The following CEP290 variants were observed in gnomAD, a reference collection of about 807,000 sequenced individuals.
CEP290 encodes centrosomal protein 290, also known as centrosomal protein of 290 kDa.
A neutral mutation model predicts 344.9 loss-of-function variants in CEP290; 317 were observed. The ratio of observed to expected loss-of-function variants is 0.92; its 90% CI spans 0.84 to 1.01. The LOEUF is 1.01. Ranked by LOEUF, CEP290 falls within the 50% of genes least tolerant of loss-of-function variation. The pLI is 0.00. For synonymous variants in CEP290, 932 were observed against 895.8 expected (o/e 1.04, Z -0.72); for missense variants, 2,754 against 2,761.4 (o/e 1.00, Z 0.06).
chr12:88,116,251 C>A (rs1339778931), intron 18 of CEP290, among the ~76,000 whole-genome samples: 1 of 152,198 alleles, frequency 6.6e-6, no homozygotes, highest in East Asian at 1.9e-4. Context: ...AAGGTGCTGA[C>A]TAACGATTCT....
chr12:88,126,366 T>G lies in CEP290; in HGVS notation c.1015A>C (p.Lys339Gln). 6.6e-7 allele frequency: 1 copy of G among 1,511,378 alleles called. No homozygotes were observed. The highest frequency in any genetic ancestry group is 1.4e-5 in the African/African-American group (1 of 70,030). 93.6% of individuals were successfully genotyped at this position (1,511,378 alleles called of 1,614,324 possible). A position where few individuals can be genotyped will look rare whatever the true frequency, so the allele number is the denominator to read the frequency against. Residue 339 changes from lysine to glutamine, a missense_variant, in exon 12 of 54, where the codon AAG (lysine) becomes CAG (glutamine). Transcript: ENST00000552810. ...TTATCAGCATCAAGCTGAGCATTCT[T>G]AAGTTTCTCCCTTAGGTTATGTAAC... ...QMLHNLREKL[K>Q]NAQLDADKSN...
At chr12:88,140,151 T>C (rs1284640955) in intron 3 of CEP290, among the ~76,000 whole-genome samples, 1 of 152,184 alleles carries the variant, frequency 6.6e-6, no homozygotes, top group African/African-American at 2.4e-5. Flanking sequence ...TTATATCCAG[T>C]AATGCAACAT....
chr12:88,077,777 T>C lies in CEP290; in HGVS notation c.5506A>G (p.Ile1836Val), dbSNP rs11104729. ...LQKKQKAYNK[I>V]LREKEEIDQE... ...TCAATTTCCTCTTTCTCTCTAAGTA[T>C]TTTATTATAGGCTTTTTGTTTCTTT... is the stretch of plus-strand genomic sequence containing the variant. The change falls in exon 40 of 54, where the codon ATA becomes GTA. Residue 1836 changes from isoleucine to valine, a missense_variant. By Grantham distance (29) the Ile-to-Val change is conservative. Transcript: ENST00000552810. The C allele has an allele frequency of 8.0e-4, 1,266 of 1,580,456 alleles. 8 individuals are homozygous for C. In the African/African-American group the frequency reaches 0.015, roughly 18 times the overall value.
rs756885819 is a variant in CEP290, at chr12:88,089,312, T to C, written c.3749A>G (p.Tyr1250Cys). The part of the protein sequence containing the change: ...QKLDEKEQAL[Y>C]YARLEGRNRA... ...GTTTCTTCCCTCCAAACGAGCATAA[T>C]AGAGAGCCTGTTCTTTTTCATCAAG... Residue 1250 changes from tyrosine to cysteine, a missense_variant, in exon 31 of 54, where the codon TAT becomes TGT. Physicochemically the swap from Tyr to Cys is radical, Grantham distance 194. Transcript: ENST00000552810. The C allele has an allele frequency of 4.3e-6, 7 of 1,613,862 alleles. No homozygotes were observed. The highest frequency in any genetic ancestry group is 1.3e-5 in the African/African-American group (1 of 74,926).
chr12:88,102,773 C>T, intron 26 of CEP290, 65 bp downstream of exon 26: 2 of 1,406,902 alleles, frequency 1.4e-6, no homozygotes, highest in Non-Finnish European at 1.9e-6. Flanking sequence ...CCAAATCCCC[C>T]CAAACACAAA....
At chr12:88,118,153 TTTA>T (rs898744952) in intron 17 of CEP290, among the ~76,000 whole-genome samples, 104 of 152,082 alleles carry the variant, frequency 6.8e-4, no homozygotes, top group African/African-American at 2.3e-3. Flanking sequence ...ACTACTAAGT[TTTA>T]TTATTATTAA....
At chr12:88,121,694 T>C (rs991809360) in intron 13 of CEP290, among the ~76,000 whole-genome samples, 1 of 151,710 alleles carries the variant, frequency 6.6e-6, no homozygotes, top group African/African-American at 2.4e-5. Flanking sequence ...GAAATCCACA[T>C]GGATATGAGG....
At position 88,130,293 on chromosome 12, in the gene CEP290, A is replaced by G. The variant is rs2138094363; in HGVS notation, c.644T>C (p.Leu215Pro). ...RSQLSKKNYE[L>P]IQYLDEIQTL... Reference sequence around the variant, plus strand: ...CTGAATTTCATCAAGATATTGGATAAGCTCATAGTTTTTTTTAGACAACTG... The same window carrying G: ...CTGAATTTCATCAAGATATTGGATAGGCTCATAGTTTTTTTTAGACAACTG... The change falls in exon 9 of 54, where the codon CTT (leucine) becomes CCT (proline). Residue 215 changes from leucine (L) to proline (P), a missense_variant. Leu to Pro is a moderately conservative substitution (Grantham distance 98, BLOSUM62 -3). Transcript: ENST00000552810. The G allele has an allele frequency of 6.2e-7, 1 of 1,605,518 alleles. No individual in the cohort carries two copies. Among genetic ancestry groups the G allele is most frequent in the East Asian group, 2.2e-5 (1 of 44,582 alleles).
rs748694205 is a variant in CEP290, at chr12:88,077,366, T to C, written c.5587-22A>G. Reference sequence around the variant, plus strand: ...TGCCCTAAAAAATAAAATGTAACTTTATATTTTTACAAATAAATGTAAAAC... The same window carrying C: ...TGCCCTAAAAAATAAAATGTAACTTCATATTTTTACAAATAAATGTAAAAC... On this transcript the variant is annotated intron_variant, in intron 40 of 53. Transcript: ENST00000552810. 3.6e-6 allele frequency: 5 copies of C among 1,383,686 alleles called. No individual in the cohort carries two copies. The South Asian group carries it at 7.2e-5, about 20-fold the overall frequency. The allele number at this position is 1,383,686 out of a possible 1,614,324, so 85.7% of individuals were successfully genotyped here. A position where few individuals can be genotyped will look rare whatever the true frequency, so the allele number is the denominator to read the frequency against.
chr12:88,134,755 G>A (rs1592687065), intron 6 of CEP290, among the ~76,000 whole-genome samples: 1 of 152,236 alleles, frequency 6.6e-6, no homozygotes. Context: ...CATATGAAGT[G>A]CCTGGCACAT....
At chr12:88,112,774 G>C (rs1225892516) in intron 20 of CEP290, among the ~76,000 whole-genome samples, 1 of 152,106 alleles carries the variant, frequency 6.6e-6, no homozygotes, top group South Asian at 2.1e-4. Flanking sequence ...ATTAGAGCAG[G>C]TCATGCAGAG....
intron 11 of CEP290, among the ~76,000 whole-genome samples, chr12:88,128,443 T>C (rs2039862872): frequency 6.6e-6 from 1 of 152,150 alleles, no homozygotes; most frequent in Non-Finnish European, 1.5e-5. Flanking sequence ...GCTTCTAATA[T>C]GGTAAGGCCT....
At chr12:88,074,699 T>G (rs766684250) in intron 41 of CEP290, among the ~76,000 whole-genome samples, 8 of 152,202 alleles carry the variant, frequency 5.3e-5, no homozygotes, top group Non-Finnish European at 1.2e-4. Flanking sequence ...CCTTTCTGAC[T>G]GTGGGTCTTA....
chr12:88,059,939 T>C lies in CEP290; in HGVS notation c.6604A>G (p.Ile2202Val), dbSNP rs1395824988. Residue 2202 changes from isoleucine (I) to valine (V), a missense_variant, in exon 48 of 54, where the codon ATT (isoleucine) becomes GTT (valine). By Grantham distance (29) the Ile-to-Val change is conservative. Transcript: ENST00000552810. Reference protein sequence around the residue: ...YESKTKGTEKIIAENERLRKE... With the variant: ...YESKTKGTEKVIAENERLRKE... ...CGAAGCCTTTCATTTTCAGCAATAA[T>C]TTTTTCTGTGCCTTTGGTCTTGGAT... 6.3e-7 allele frequency: 1 copy of C among 1,594,484 alleles called. No homozygotes were observed. The highest frequency in any genetic ancestry group is 1.1e-5 in the South Asian group (1 of 87,248).
chr12:88,115,775 A>G, intron 18 of CEP290: 1 of 981,030 alleles, frequency 1.0e-6, no homozygotes. Context: ...CCTGAGATCT[A>G]AGAAATACTA....
At chr12:88,094,896 T>C (rs922616976) in intron 27 of CEP290, among the ~76,000 whole-genome samples, 3 of 152,082 alleles carry the variant, frequency 2.0e-5, no homozygotes, top group Non-Finnish European at 4.4e-5. Context: ...TATAACTGAG[T>C]TTTCTCAAAG....
chr12:88,111,449 A>G (rs1278891015), intron 21 of CEP290, 98 bp from the exon 22 acceptor site: 1 of 1,175,736 alleles, frequency 8.5e-7, no homozygotes, highest in Non-Finnish European at 1.2e-6. Flanking sequence ...TTTTACCTCA[A>G]CCATACTTCA....
intron 18 of CEP290, among the ~76,000 whole-genome samples, chr12:88,116,627 TAAG>T (rs1367309705): frequency 3.9e-5 from 6 of 152,084 alleles, no homozygotes; most frequent in African/African-American, 1.4e-4. Context: ...ACAACAATAA[TAAG>T]ATTAGATGTT....
Position 88,115,134 on chromosome 12 carries a change from T to A in CEP290, c.1873A>T (p.Arg625Trp). ...ELIEKERDLE[R>W]SRTVIAKFQN... ...AATTTGGCTATCACTGTCCTACTCCTTTCTAAATCTCTTTCTTTTTCAATT... is the reference window on the plus strand; with the variant it reads ...AATTTGGCTATCACTGTCCTACTCCATTCTAAATCTCTTTCTTTTTCAATT... The change falls in exon 19 of 54, where the codon AGG becomes TGG. Residue 625 changes from arginine (R) to tryptophan (W), a missense_variant. By Grantham distance (101) the Arg-to-Trp change is moderately radical. Transcript: ENST00000552810. 6.7e-7 allele frequency: 1 copy of A among 1,495,446 alleles called. No individual in the cohort carries two copies. The highest frequency in any genetic ancestry group is 2.0e-5 in the Admixed American group (1 of 50,636). The allele number at this position is 1,495,446 out of a possible 1,614,324, so 92.6% of individuals were successfully genotyped here.
Sources: allele counts gnomAD v4.1 joint callset (sites outside exome capture counted in the v4.1 genomes callset), GRCh38; gene constraint gnomAD v4.1.1; transcripts MANE v1.5; gene names NCBI Gene and HGNC (gene_info 2026-07-23, HGNC 2026-07-21).